HEBP2: variants seen among roughly 807,000 people sequenced by gnomAD.
HEBP2 encodes the protein heme binding protein 2, also known as heme-binding protein 2.
Under a neutral mutation model 23.1 loss-of-function variants are expected in HEBP2, and 27 were observed. That is an observed-to-expected ratio of 1.17 (90% CI 0.86 to 1.61). The LOEUF (loss-of-function observed/expected upper bound fraction) is 1.61, where lower values mean the gene tolerates loss of function less well. Among genes scored for constraint, HEBP2 ranks in the 40% most tolerant of loss-of-function variants. The pLI, the probability that HEBP2 is intolerant of heterozygous loss-of-function variation, is 0.00. For synonymous variants in HEBP2, 99 were observed against 95.1 expected (o/e 1.04, Z -0.24); for missense variants, 245 against 253.8 (o/e 0.97, Z 0.24).
intron 3 of HEBP2, among the ~76,000 whole-genome samples, chr6:138,412,582 T>G (rs1311927796): frequency 6.6e-6 from 1 of 152,224 alleles, no homozygotes; most frequent in East Asian, 1.9e-4. Flanking sequence ...GCCTCCCAAG[T>G]AACTGGGACT....
intron 3 of HEBP2, among the ~76,000 whole-genome samples, chr6:138,406,519 A>T (rs1259379869): frequency 6.6e-6 from 1 of 152,206 alleles, no homozygotes; most frequent in Non-Finnish European, 1.5e-5. Flanking sequence ...AAAAACAGAA[A>T]TTTCTCTCTC....
chr6:138,415,884 C>G lies in HEBP2; in HGVS notation c.*2806C>G, dbSNP rs1774833950. 1 of 152,336 alleles carries G rather than the reference C, an allele frequency of 6.6e-6. No homozygotes were observed. The highest frequency in any genetic ancestry group is 2.1e-4 in the South Asian group (1 of 4,812). The allele number at this position is 152,336 out of a possible 1,614,324, so 9.4% of individuals were successfully genotyped here. A position where few individuals can be genotyped will look rare whatever the true frequency, so the allele number is the denominator to read the frequency against. On this transcript the variant is annotated 3_prime_UTR_variant, in exon 4 of 4. Transcript: ENST00000607197. ...TTCCCCATGAAGAGCTGGAACTACC[C>G]TCCCTTCCTGCCTCTTCCCTAACAC...
chr6:138,415,482 G>A lies in HEBP2; in HGVS notation c.*2404G>A, dbSNP rs919392319. 4 of 152,194 alleles carry A rather than the reference G, an allele frequency of 2.6e-5. No homozygotes were observed. Among genetic ancestry groups the A allele is most frequent in the African/African-American group, 9.7e-5 (4 of 41,430 alleles). 9.4% of individuals were successfully genotyped at this position (152,194 alleles called of 1,614,324 possible). ...TGGGTGTCTCAAATATGGGAAGGGTGGATAAAAGAGACAAGGACAGTGGGC... is the reference window on the plus strand; with the variant it reads ...TGGGTGTCTCAAATATGGGAAGGGTAGATAAAAGAGACAAGGACAGTGGGC... On this transcript the variant is annotated 3_prime_UTR_variant, in exon 4 of 4. Transcript: ENST00000607197.
Position 138,405,246 on chromosome 6 carries a change from A to G in HEBP2, c.204A>G (p.Lys68=). The stretch of plus-strand genomic sequence containing the variant: ...CAGCCATCCAGACGGGCTTTACGAA[A>G]CTGAACAGCTACATTCAAGGCAAAA... ...WDSAIQTGFT[K]LNSYIQGKNE... is the part of the protein sequence containing the mutation. Residue 68 remains lysine (K), a synonymous_variant, in exon 2 of 4, where the codon AAA becomes AAG. Coordinates refer to ENST00000607197, the MANE Select transcript of HEBP2 (RefSeq NM_014320.3). 6.2e-7 allele frequency: 1 copy of G among 1,614,208 alleles called. No individual in the cohort carries two copies. The highest frequency in any genetic ancestry group is 2.2e-5 in the East Asian group (1 of 44,884).
chr6:138,413,278 T>C lies in HEBP2; in HGVS notation c.*200T>C. On this transcript the variant is annotated 3_prime_UTR_variant, in exon 4 of 4. Transcript: ENST00000607197. ...AACAGAGGACAGTAGTCTGTAAACA[T>C]ATAAATCGGTCATAACTATCGTGGT... 1.9e-6 allele frequency: 1 copy of C among 530,624 alleles called. No individual in the cohort carries two copies. Among genetic ancestry groups the C allele is most frequent in the East Asian group, 3.1e-5 (1 of 32,378 alleles). 32.9% of individuals were successfully genotyped at this position (530,624 alleles called of 1,614,324 possible).
chr6:138,403,949 A>G (rs1384717436), upstream of HEBP2, among the ~76,000 whole-genome samples: 1 of 152,090 alleles, frequency 6.6e-6, no homozygotes, highest in Non-Finnish European at 1.5e-5. Context: ...GCTGAGCCCC[A>G]GGAGTGCGGG....
chr6:138,403,533 CCGGAGAGCCT>C, upstream of HEBP2: 1 of 489,748 alleles, frequency 2.0e-6, no homozygotes, highest in Non-Finnish European at 3.6e-6. Flanking sequence ...TCACGTCGCC[CCGGAGAGCCT>C]CGGAGCTCTG....
chr6:138,418,111 A>C lies in HEBP2; in HGVS notation c.*5033A>C, dbSNP rs1290225066. Reference sequence around the variant, plus strand: ...TCCATCAACAAACAACATAACACTCATAATTACCAACATTCAGTAAAAAAT... The same window carrying C: ...TCCATCAACAAACAACATAACACTCCTAATTACCAACATTCAGTAAAAAAT... On this transcript the variant is annotated 3_prime_UTR_variant, in exon 4 of 4. Coordinates refer to ENST00000607197, the MANE Select transcript of HEBP2 (RefSeq NM_014320.3). 6.6e-6 allele frequency: 1 copy of C among 152,256 alleles called. No individual in the cohort carries two copies. Among genetic ancestry groups the C allele is most frequent in the Non-Finnish European group, 1.5e-5 (1 of 68,036 alleles). 9.4% of individuals were successfully genotyped at this position (152,256 alleles called of 1,614,324 possible).
At chr6:138,403,551 C>G, upstream of HEBP2, 1 of 480,710 alleles carries the variant, frequency 2.1e-6, no homozygotes, top group South Asian at 3.5e-5. Context: ...CCTCGGAGCT[C>G]TGGCTGCCCA....
chr6:138,422,057 G>A lies in HEBP2; in HGVS notation c.*8979G>A, dbSNP rs1774954725. On this transcript the variant is annotated 3_prime_UTR_variant, in exon 4 of 4. Transcript: ENST00000607197. ...TATTTCAAATATTTACTTTACAATT[G>A]TTTTATTCAAAGGAAATTAAATACA... The A allele has an allele frequency of 1.3e-5, 2 of 152,020 alleles. No individual in the cohort carries two copies. The highest frequency in any genetic ancestry group is 2.4e-5 in the African/African-American group (1 of 41,376). 9.4% of individuals were successfully genotyped at this position (152,020 alleles called of 1,614,324 possible). A position where few individuals can be genotyped will look rare whatever the true frequency, so the allele number is the denominator to read the frequency against.
chr6:138,413,299 G>T lies in HEBP2; in HGVS notation c.*221G>T. Reference sequence around the variant, plus strand: ...AACATATAAATCGGTCATAACTATCGTGGTCTTTATTTCTGTGAGGATCTA... The same window carrying T: ...AACATATAAATCGGTCATAACTATCTTGGTCTTTATTTCTGTGAGGATCTA... On this transcript the variant is annotated 3_prime_UTR_variant, in exon 4 of 4. Transcript: ENST00000607197. 1 of 446,064 alleles carries T rather than the reference G, an allele frequency of 2.2e-6. No homozygotes were observed. The highest frequency in any genetic ancestry group is 3.4e-5 in the South Asian group (1 of 29,546). The allele number at this position is 446,064 out of a possible 1,614,324, so 27.6% of individuals were successfully genotyped here. A position where few individuals can be genotyped will look rare whatever the true frequency, so the allele number is the denominator to read the frequency against.
rs1287770751 is a variant in HEBP2 at position 138,412,879 on chromosome 6, G to T, written c.420-1G>T. 3 of 1,611,282 alleles carry T rather than the reference G, an allele frequency of 1.9e-6. No individual in the cohort carries two copies. The highest frequency in any genetic ancestry group is 2.2e-5 in the East Asian group (1 of 44,870). On this transcript the variant is annotated splice_acceptor_variant, in intron 3 of 3. Coordinates refer to ENST00000607197, the MANE Select transcript of HEBP2 (RefSeq NM_014320.3). LOFTEE classifies it high-confidence loss of function. ...ACGGTTATTTCCTTTCTCCTTTGTAGGTCTTTCGATGGATTTTCTAGTGCC... is the reference window on the plus strand; with the variant it reads ...ACGGTTATTTCCTTTCTCCTTTGTATGTCTTTCGATGGATTTTCTAGTGCC...
In HEBP2 at chr6:138,412,912, A is replaced by G. The variant is rs1222122490; in HGVS notation, c.452A>G (p.Asn151Ser). Residue 151 changes from asparagine to serine, a missense_variant, in exon 4 of 4, where the codon AAT becomes AGT. Asn to Ser is a conservative substitution (Grantham distance 46). Transcript: ENST00000607197. ...GATGGATTTTCTAGTGCCCAAAAGA[A>G]TCAAGAACAACTTTTGACATTAGCA... Reference protein sequence around the residue: ...SFDGFSSAQKNQEQLLTLASI... With the variant: ...SFDGFSSAQKSQEQLLTLASI... The G allele has an allele frequency of 1.2e-6, 2 of 1,614,142 alleles. No individual in the cohort carries two copies. Among genetic ancestry groups the G allele is most frequent in the African/African-American group, 1.3e-5 (1 of 75,068 alleles).
rs1774913026 is a variant in HEBP2, at chr6:138,420,834, T to G, written c.*7756T>G. ...TACTCCAATAATAAATCCTTTGGTATTCTAACTGTCTACTTCTTGAAGAAT... is the reference window on the plus strand; with the variant it reads ...TACTCCAATAATAAATCCTTTGGTAGTCTAACTGTCTACTTCTTGAAGAAT... On this transcript the variant is annotated 3_prime_UTR_variant, in exon 4 of 4. Coordinates refer to ENST00000607197, the MANE Select transcript of HEBP2 (RefSeq NM_014320.3). The G allele has an allele frequency of 6.6e-6, 1 of 152,232 alleles. No homozygotes were observed. The highest frequency in any genetic ancestry group is 1.5e-5 in the Non-Finnish European group (1 of 68,044). The allele number at this position is 152,232 out of a possible 1,614,324, so 9.4% of individuals were successfully genotyped here. A position where few individuals can be genotyped will look rare whatever the true frequency, so the allele number is the denominator to read the frequency against.
Position 138,417,199 on chromosome 6 carries a change from G to C in HEBP2, c.*4121G>C, listed in dbSNP as rs1774853893. On this transcript the variant is annotated 3_prime_UTR_variant, in exon 4 of 4. Transcript: ENST00000607197. The stretch of plus-strand genomic sequence containing the variant: ...TTACAGCAGATCTCCTGGGCCTGCA[G>C]GTTATCTGCCTAATCCCTGAATGTA... 1.3e-5 allele frequency: 2 copies of C among 152,196 alleles called. No individual in the cohort carries two copies. The highest frequency in any genetic ancestry group is 6.5e-5 in the Admixed American group (1 of 15,282). 9.4% of individuals were successfully genotyped at this position (152,196 alleles called of 1,614,324 possible). A position where few individuals can be genotyped will look rare whatever the true frequency, so the allele number is the denominator to read the frequency against.
At position 138,404,608 on chromosome 6, in the gene HEBP2, A is replaced by G. The variant is rs957253674; in HGVS notation, c.102+11A>G. On this transcript the variant is annotated intron_variant, in intron 1 of 3. Transcript: ENST00000607197. ...GACGCCGGCCCCCAGGTAGGCGCCG[A>G]CTCGGGAGCGGAGGGGCTGGGCCCG... is the stretch of plus-strand genomic sequence containing the variant. 8 of 1,267,342 alleles carry G rather than the reference A, an allele frequency of 6.3e-6. No homozygotes were observed. Among genetic ancestry groups the G allele is most frequent in the Middle Eastern group, 3.0e-4 (1 of 3,318 alleles). 78.5% of individuals were successfully genotyped at this position (1,267,342 alleles called of 1,614,324 possible).
chr6:138,404,699 A>C, intron 1 of HEBP2, 102 bp downstream of exon 1: 2 of 703,870 alleles, frequency 2.8e-6, no homozygotes, highest in Non-Finnish European at 2.0e-6. Context: ...ACAGTTTTTT[A>C]AATGGTCCCA....
Position 138,416,205 on chromosome 6 carries a change from C to T in HEBP2, c.*3127C>T, listed in dbSNP as rs1008854930. 6.6e-6 allele frequency: 1 copy of T among 152,186 alleles called. No homozygotes were observed. The allele number at this position is 152,186 out of a possible 1,614,324, so 9.4% of individuals were successfully genotyped here. On this transcript the variant is annotated 3_prime_UTR_variant, in exon 4 of 4. Coordinates refer to ENST00000607197, the MANE Select transcript of HEBP2 (RefSeq NM_014320.3). ...AAGGAGAGGGTATATTGACTTGGGG[C>T]TCTCAGGATAGAGGATTTCACACCA...
In HEBP2 at chr6:138,416,184, A is replaced by G. The variant is rs1415834982; in HGVS notation, c.*3106A>G. 2 of 152,258 alleles carry G rather than the reference A, an allele frequency of 1.3e-5. No individual in the cohort carries two copies. Among genetic ancestry groups the G allele is most frequent in the African/African-American group, 4.8e-5 (2 of 41,424 alleles). 9.4% of individuals were successfully genotyped at this position (152,258 alleles called of 1,614,324 possible). A position where few individuals can be genotyped will look rare whatever the true frequency, so the allele number is the denominator to read the frequency against. On this transcript the variant is annotated 3_prime_UTR_variant, in exon 4 of 4. Coordinates refer to ENST00000607197, the MANE Select transcript of HEBP2 (RefSeq NM_014320.3). The stretch of plus-strand genomic sequence containing the variant: ...CTGGGTTTATACAACTAGATAAAGG[A>G]GAGGGTATATTGACTTGGGGCTCTC...
Sources: allele counts gnomAD v4.1 joint callset (sites outside exome capture counted in the v4.1 genomes callset), GRCh38; gene constraint gnomAD v4.1.1; transcripts MANE v1.5; gene names NCBI Gene and HGNC (gene_info 2026-07-23, HGNC 2026-07-21).